Variants in PAPPA observed in about 807,000 individuals in gnomAD.
PAPPA encodes the protein pappalysin-1.
A neutral mutation model predicts 164.0 loss-of-function variants in PAPPA; 60 were observed. That is an observed-to-expected ratio of 0.37 (90% confidence interval 0.30 to 0.45). PAPPA has a LOEUF of 0.45. Among genes scored for constraint, PAPPA ranks in the 20% least tolerant of loss-of-function variants. The pLI, the probability that PAPPA is intolerant of heterozygous loss-of-function variation, is 1.00. For synonymous variants in PAPPA, 875 were observed against 814.1 expected (o/e 1.07, Z -1.27); for missense variants, 1,782 against 2,087.3 (o/e 0.85, Z 2.85).
chr9:116,169,445 G>A (rs554891788), intron 1 of PAPPA, among the ~76,000 whole-genome samples: 55 of 147,114 alleles, frequency 3.7e-4, no homozygotes, highest in Non-Finnish European at 5.0e-4. Flanking sequence ...TCAGCCTCCC[G>A]AGTAGCTGGC....
intron 2 of PAPPA, among the ~76,000 whole-genome samples, 181 bp from the exon 3 acceptor site, chr9:116,207,275 A>C (rs896890646): frequency 6.6e-6 from 1 of 152,194 alleles, no homozygotes; most frequent in African/African-American, 2.4e-5. Context: ...CGAGAACTTA[A>C]TTTTATGATC....
chr9:116,312,295 T>C (rs1845729454), intron 10 of PAPPA, among the ~76,000 whole-genome samples: 1 of 150,890 alleles, frequency 6.6e-6, no homozygotes, highest in Admixed American at 6.6e-5. Flanking sequence ...TTTCTTTTTT[T>C]TTTTTTTTTT....
rs1564246692 is a variant in PAPPA, at chr9:116,374,168, T to C, written c.4606-3408T>C. On this transcript the variant is annotated intron_variant, in intron 19 of 21. Coordinates refer to ENST00000328252, the MANE Select transcript of PAPPA (RefSeq NM_002581.5). Reference sequence around the variant, plus strand: ...ATGATGGTGGTAGTGTTGGTGGTGGTGTTGATGATGATGATGGTGGTGATG... The same window carrying C: ...ATGATGGTGGTAGTGTTGGTGGTGGCGTTGATGATGATGATGGTGGTGATG... Among the ~76,000 whole-genome samples the C allele has an allele frequency of 2.1e-5, 3 of 143,878 alleles. No individual in the cohort carries two copies. In the Admixed American group the frequency reaches 2.2e-4, roughly 10 times the overall value. The allele number at this position is 143,878 out of a possible 152,430, so 94.4% of individuals were successfully genotyped here. A position where few individuals can be genotyped will look rare whatever the true frequency, so the allele number is the denominator to read the frequency against.
chr9:116,231,660 CGGATGGAT>C (rs199915317), intron 6 of PAPPA, among the ~76,000 whole-genome samples: 27,139 of 143,080 alleles, frequency 0.19, 2,794 homozygotes, highest in African/African-American at 0.23. Context: ...AATGAATGGG[CGGATGGAT>C]GGATGGATGG....
chr9:116,238,914 A>ATG (rs1292986305), intron 7 of PAPPA, among the ~76,000 whole-genome samples: 1 of 152,104 alleles, frequency 6.6e-6, no homozygotes, highest in Non-Finnish European at 1.5e-5. Context: ...TTGTGTGTAT[A>ATG]TGTGTGTGTA....
At chr9:116,353,528 T>G (rs1457041162) in intron 16 of PAPPA, 94 bp from the exon 17 acceptor site, 5 of 1,145,356 alleles carry the variant, frequency 4.4e-6, no homozygotes, top group Non-Finnish European at 6.3e-6. Flanking sequence ...AACTAGGAAA[T>G]AGGAAATGGG....
At chr9:116,226,489 T>C (rs561967331) in intron 5 of PAPPA, among the ~76,000 whole-genome samples, 1 of 152,334 alleles carries the variant, frequency 6.6e-6, no homozygotes, top group Non-Finnish European at 1.5e-5. Context: ...GAAAGAGTTA[T>C]CATCAGGACC....
rs1242065485 is a variant in PAPPA at position 116,154,325 on chromosome 9, G to C, written c.153G>C (p.Ala51=). 1 of 865,992 alleles carries C rather than the reference G, an allele frequency of 1.2e-6. No homozygotes were observed. The highest frequency in any genetic ancestry group is 1.2e-4 in the East Asian group (1 of 8,026). 53.6% of individuals were successfully genotyped at this position (865,992 alleles called of 1,614,324 possible). A position where few individuals can be genotyped will look rare whatever the true frequency, so the allele number is the denominator to read the frequency against. The change falls in exon 1 of 22, where the codon GCG becomes GCC. Residue 51 remains alanine, a synonymous_variant. Transcript: ENST00000328252. This position sits in a 1 kb window ranked among gnomAD's most constrained non-coding sequence, Gnocchi z 5.2. ...GCCCGGCCACCTGCGCCACCCGGGC[G>C]GCCCGCGGCCGCCGCGCCTCGCCGC... The part of the protein sequence containing the change: ...AAGPATCATR[A]ARGRRASPPP...
At chr9:116,385,411 G>T (rs1023344556) in intron 21 of PAPPA, among the ~76,000 whole-genome samples, 13 of 152,114 alleles carry the variant, frequency 8.5e-5, no homozygotes, top group African/African-American at 3.1e-4. Context: ...CTCCCAAAGT[G>T]CTGGGATTAC....
intron 10 of PAPPA, among the ~76,000 whole-genome samples, chr9:116,310,466 G>A (rs1186712482): frequency 6.6e-6 from 1 of 151,962 alleles, no homozygotes; most frequent in Non-Finnish European, 1.5e-5. Flanking sequence ...CATGGTGTGG[G>A]GCACCAAAAA....
intron 15 of PAPPA, among the ~76,000 whole-genome samples, chr9:116,351,661 T>TAAC (rs1588016202): frequency 1.3e-5 from 2 of 152,210 alleles, no homozygotes; most frequent in East Asian, 3.8e-4. Flanking sequence ...CCAACTATGA[T>TAAC]AACTTGGTCA....
intron 10 of PAPPA, among the ~76,000 whole-genome samples, chr9:116,304,794 T>A (rs1201616413): frequency 2.0e-5 from 3 of 152,078 alleles, no homozygotes. Context: ...GGAAACAAAA[T>A]CATCCTATTG....
intron 1 of PAPPA, among the ~76,000 whole-genome samples, chr9:116,182,628 C>T (rs61154311): frequency 6.6e-6 from 1 of 152,204 alleles, no homozygotes; most frequent in African/African-American, 2.4e-5. Context: ...TTCTGAGAGA[C>T]TCTTTCCATG....
chr9:116,198,074 G>A (rs891616769), intron 2 of PAPPA, among the ~76,000 whole-genome samples: 1 of 152,176 alleles, frequency 6.6e-6, no homozygotes, highest in African/African-American at 2.4e-5. Context: ...TCACAGGGCT[G>A]TTAGTAAGTT....
At chr9:116,311,927 C>A (rs1845722833) in intron 10 of PAPPA, among the ~76,000 whole-genome samples, 1 of 152,206 alleles carries the variant, frequency 6.6e-6, no homozygotes, top group Non-Finnish European at 1.5e-5. Flanking sequence ...AGGGAAGGTG[C>A]CACGTGGAAC....
chr9:116,179,076 A>G (rs1843870253), intron 1 of PAPPA, among the ~76,000 whole-genome samples: 7 of 152,246 alleles, frequency 4.6e-5, no homozygotes. Context: ...TTACAAGGAA[A>G]TATGCATACA....
chr9:116,343,912 C>T (rs1162534408), intron 13 of PAPPA, among the ~76,000 whole-genome samples: 1 of 152,030 alleles, frequency 6.6e-6, no homozygotes, highest in Non-Finnish European at 1.5e-5. Flanking sequence ...AGGCGCCTGC[C>T]ACCACGCCCA....
chr9:116,209,287 T>C (rs1039021784), intron 3 of PAPPA, among the ~76,000 whole-genome samples: 2 of 152,180 alleles, frequency 1.3e-5, no homozygotes, highest in African/African-American at 4.8e-5. Context: ...TGACTTTACT[T>C]AGCAGTATGG....
chr9:116,166,885 C>A (rs1439082547), intron 1 of PAPPA, among the ~76,000 whole-genome samples: 1 of 152,058 alleles, frequency 6.6e-6, no homozygotes, highest in Admixed American at 6.6e-5. Flanking sequence ...ATATGAATGA[C>A]TGAATGAATG....
Sources: gnomAD v4.1 joint callset for allele counts (sites outside exome capture counted in the v4.1 genomes callset) on GRCh38, gnomAD v4.1.1 for gene constraint, Gnocchi (gnomAD v3.1) non-coding constraint, MANE v1.5 for transcripts, NCBI Gene and HGNC (gene_info 2026-07-23, HGNC 2026-07-21) for gene names.